Variants in RBFOX1 observed in about 807,000 individuals in gnomAD.
The protein encoded by RBFOX1 is RNA binding fox-1 homolog 1.
RBFOX1 carries 8 observed loss-of-function variants against 57.7 expected under a neutral mutation model. That is an observed-to-expected ratio of 0.14 (90% CI 0.08 to 0.25). The LOEUF (loss-of-function observed/expected upper bound fraction) is 0.25. RBFOX1 is among the 10% of genes least tolerant of loss of function. The pLI is 1.00. For synonymous variants in RBFOX1, 326 were observed against 222.4 expected (o/e 1.47, Z -4.15); for missense variants, 611 against 548.5 (o/e 1.11, Z -1.14).
intron 4 of RBFOX1, among the ~76,000 whole-genome samples, chr16:7,280,234 A>G (rs770937375): frequency 6.6e-6 from 1 of 152,210 alleles, no homozygotes; most frequent in African/African-American, 2.4e-5. Flanking sequence ...CTTCATTGCA[A>G]AATGAGCAAG....
At chr16:6,134,621 G>C (rs1265789749) in intron 1 of RBFOX1, among the ~76,000 whole-genome samples, 3 of 151,960 alleles carry the variant, frequency 2.0e-5, no homozygotes, top group Non-Finnish European at 2.9e-5. Context: ...GGGTGAAGGA[G>C]ACTAACCGTG....
intron 4 of RBFOX1, among the ~76,000 whole-genome samples, chr16:5,882,737 C>A (rs1332106707): frequency 6.6e-6 from 1 of 152,258 alleles, no homozygotes; most frequent in Admixed American, 6.5e-5. Context: ...CCAGTGTTGT[C>A]CCTGGGCGGG....
intron 2 of RBFOX1, among the ~76,000 whole-genome samples, chr16:6,574,902 G>C (rs1329372442): frequency 6.6e-6 from 1 of 151,500 alleles, no homozygotes; most frequent in Non-Finnish European, 1.5e-5. Flanking sequence ...GGCAGGCGTG[G>C]TGGCGGGCGC....
chr16:6,033,618 A>G (rs2095321868), intron 1 of RBFOX1, among the ~76,000 whole-genome samples: 1 of 152,202 alleles, frequency 6.6e-6, no homozygotes, highest in Admixed American at 6.5e-5. Flanking sequence ...ACGCACGTGT[A>G]TTTTTTCTGC....
At chr16:6,909,575 C>T (rs968328107) in intron 3 of RBFOX1, among the ~76,000 whole-genome samples, 1 of 152,224 alleles carries the variant, frequency 6.6e-6, no homozygotes, top group Non-Finnish European at 1.5e-5. Context: ...TATTCAGGCT[C>T]AGCTACCTAG....
At chr16:6,749,932 G>A (rs2074586899) in intron 3 of RBFOX1, among the ~76,000 whole-genome samples, 1 of 152,196 alleles carries the variant, frequency 6.6e-6, no homozygotes, top group Admixed American at 6.5e-5. Flanking sequence ...AGCTGACTGT[G>A]TCAGGGTGTT....
Position 5,718,949 on chromosome 16 carries a change from C to A in RBFOX1, c.318+119988C>A, listed in dbSNP as rs919274674. Among the ~76,000 whole-genome samples, 15 of 149,646 alleles carry A rather than the reference C, an allele frequency of 1.0e-4. 1 individual carries two copies. The highest frequency in any genetic ancestry group is 9.5e-4 in the Admixed American group (14 of 14,798). ...ATGAATGAATGAATGAACTTTCTGGCCTTACTGCCTCCATGTGTATAGTTA... is the reference window on the plus strand; with the variant it reads ...ATGAATGAATGAATGAACTTTCTGGACTTACTGCCTCCATGTGTATAGTTA... On this transcript the variant is annotated intron_variant, in intron 3 of 19. Coordinates refer to the RBFOX1 transcript ENST00000641259.
chr16:7,095,144 C>T (rs1170091161), intron 4 of RBFOX1, among the ~76,000 whole-genome samples: 1 of 152,104 alleles, frequency 6.6e-6, no homozygotes, highest in African/African-American at 2.4e-5. Flanking sequence ...TGGAGACCCA[C>T]TCTGTTGCCC....
Position 6,415,110 on chromosome 16 carries a change from G to A in RBFOX1, c.-64+98053G>A, listed in dbSNP as rs148029107. On this transcript the variant is annotated intron_variant, in intron 2 of 15. Transcript: ENST00000550418. ...ATACAAAAATTAGCTGGGCGTGGTGGCATGTGTCTGTAATCCCAGCTACTA... is the reference window on the plus strand; with the variant it reads ...ATACAAAAATTAGCTGGGCGTGGTGACATGTGTCTGTAATCCCAGCTACTA... Among the ~76,000 whole-genome samples the A allele has an allele frequency of 9.0e-3, 1,361 of 151,852 alleles. 21 individuals carry two copies. Among genetic ancestry groups the A allele is most frequent in the African/African-American group, 0.031 (1,267 of 41,370 alleles).
At chr16:5,957,966 C>G (rs893507409) in intron 4 of RBFOX1, among the ~76,000 whole-genome samples, 68 of 152,230 alleles carry the variant, frequency 4.5e-4, no homozygotes, top group African/African-American at 1.6e-3. Flanking sequence ...CCACCATCCT[C>G]TCATTACTTT....
chr16:6,108,062 CT>C lies in RBFOX1; in HGVS notation c.-127+88072del, dbSNP rs1274108671. Among the ~76,000 whole-genome samples the C allele has an allele frequency of 2.6e-5, 4 of 152,000 alleles. No individual in the cohort carries two copies. The East Asian group carries it at 7.7e-4, about 29-fold the overall frequency. On this transcript the variant is annotated intron_variant, in intron 1 of 15. Coordinates refer to ENST00000550418, the MANE Select transcript of RBFOX1 (RefSeq NM_018723.4). ...ATTAGGCTCACTATTAATATCAATA[CT>C]TAATGGATCATAAGAATCAAATATC...
At chr16:7,118,454 T>C (rs534323883) in intron 4 of RBFOX1, among the ~76,000 whole-genome samples, 145 of 152,222 alleles carry the variant, frequency 9.5e-4, no homozygotes, top group Non-Finnish European at 1.7e-3. Context: ...GGGTAAAGGA[T>C]GGAAAATTAC....
At chr16:7,701,698 G>C (rs552923849) in intron 14 of RBFOX1, among the ~76,000 whole-genome samples, 1 of 152,290 alleles carries the variant, frequency 6.6e-6, no homozygotes, top group East Asian at 1.9e-4. Context: ...GTCAATAAAT[G>C]TATAAGTCAT....
intron 1 of RBFOX1, among the ~76,000 whole-genome samples, chr16:6,286,347 G>A (rs1384607853): frequency 6.7e-6 from 1 of 148,990 alleles, no homozygotes; most frequent in Admixed American, 6.7e-5. Context: ...CAGAAATCTT[G>A]ACTCAGATGT....
intron 3 of RBFOX1, among the ~76,000 whole-genome samples, chr16:6,955,987 T>A (rs970995156): frequency 6.6e-6 from 1 of 152,210 alleles, no homozygotes; most frequent in African/African-American, 2.4e-5. Flanking sequence ...ATTACAGATG[T>A]GAGCCACCAG....
chr16:6,656,415 C>G (rs2098652263), intron 3 of RBFOX1, among the ~76,000 whole-genome samples: 1 of 152,102 alleles, frequency 6.6e-6, no homozygotes, highest in Non-Finnish European at 1.5e-5. Flanking sequence ...GCAGGGTAAG[C>G]TCTGGGCAAG....
chr16:6,350,138 C>T (rs2086049785), intron 2 of RBFOX1, among the ~76,000 whole-genome samples: 1 of 152,000 alleles, frequency 6.6e-6, no homozygotes, highest in Non-Finnish European at 1.5e-5. Context: ...GACAAAAATT[C>T]AGATGAAGAA....
At chr16:5,544,951 CTTTTTTTTTTTTTTTTTTTTTTTTTTTT>C (rs59873374) in intron 2 of RBFOX1, among the ~76,000 whole-genome samples, 22 of 124,414 alleles carry the variant, frequency 1.8e-4, no homozygotes, top group Admixed American at 1.4e-3. Flanking sequence ...CTATTACATT[CTTTTTTTTTTTTTTTTTTTTTTTTTTTT>C]TTTTTTTTTT....
At chr16:6,358,217 T>C (rs2087741665) in intron 2 of RBFOX1, among the ~76,000 whole-genome samples, 1 of 152,198 alleles carries the variant, frequency 6.6e-6, no homozygotes, top group Non-Finnish European at 1.5e-5. Context: ...TGAGACTGTG[T>C]AAAAATTAAA....
Sources: allele counts gnomAD v4.1 joint callset (sites outside exome capture counted in the v4.1 genomes callset), GRCh38; gene constraint gnomAD v4.1.1; transcripts MANE v1.5; gene names NCBI Gene and HGNC (gene_info 2026-07-23, HGNC 2026-07-21).